The following MSH3 variants were observed in gnomAD, a reference collection of about 807,000 sequenced individuals.
MSH3 encodes mutS homolog 3.
Under a neutral mutation model 123.3 loss-of-function variants are expected in MSH3, and 106 were observed. The observed-to-expected ratio is 0.86, with a 90% CI of 0.73 to 1.01. The LOEUF (loss-of-function observed/expected upper bound fraction) is 1.01, where lower values mean the gene tolerates loss of function less well. Among genes scored for constraint, MSH3 ranks in the 50% least tolerant of loss-of-function variants. The pLI is 0.00. For missense variants in MSH3, 1,459 were observed against 1,347.6 expected, an observed-to-expected ratio of 1.08 and a Z score of -1.29; for synonymous variants, 515 against 481.4, an observed-to-expected ratio of 1.07 and a Z score of -0.91.
intron 20 of MSH3, among the ~76,000 whole-genome samples, chr5:80,842,882 T>C (rs1745652269): frequency 2.0e-5 from 3 of 152,188 alleles, no homozygotes; most frequent in Admixed American, 2.0e-4. Context: ...TTTTCCTAAC[T>C]GAATACCCTT....
At chr5:80,707,341 GTCT>G (rs1181413367) in intron 8 of MSH3, among the ~76,000 whole-genome samples, 2 of 152,180 alleles carry the variant, frequency 1.3e-5, no homozygotes, top group South Asian at 4.1e-4. Context: ...TTGTGTACTA[GTCT>G]TCTCACAGAT....
intron 8 of MSH3, among the ~76,000 whole-genome samples, chr5:80,702,027 C>A (rs568394997): frequency 1.3e-5 from 2 of 152,096 alleles, no homozygotes; most frequent in South Asian, 4.2e-4. Context: ...ACAAAAAAAA[C>A]CCAAAAACCC....
chr5:80,654,913 G>GCCCGCAGCGCCCCCAGCGCCCCCAGCT lies in MSH3; in HGVS notation c.189_190insGCAGCGCCCCCAGCGCCCCCAGCTCCC (p.Pro63_Pro64insAlaAlaProProAlaProProAlaPro), dbSNP rs1749213870. ...CTGCAGCGGCCGCAGCGGCCGCAGC[G>GCCCGCAGCGCCCCCAGCGCCCCCAGCT]CCCCCAGCGCCCCCAGCTCCCGCCT... On this transcript the variant is annotated inframe_insertion, in exon 1 of 24. Transcript: ENST00000265081. 2 of 1,499,518 alleles carry GCCCGCAGCGCCCCCAGCGCCCCCAGCT rather than the reference G, an allele frequency of 1.3e-6. No homozygotes were observed. Among genetic ancestry groups the GCCCGCAGCGCCCCCAGCGCCCCCAGCT allele is most frequent in the Non-Finnish European group, 1.8e-6 (2 of 1,131,990 alleles). 92.9% of individuals were successfully genotyped at this position (1,499,518 alleles called of 1,614,324 possible).
intron 18 of MSH3, 36 bp from the exon 19 acceptor site, chr5:80,792,697 A>G (rs1744628739): frequency 1.5e-6 from 2 of 1,293,416 alleles, no homozygotes; most frequent in Non-Finnish European, 2.2e-6. Context: ...GGCTATTTCC[A>G]TGCCTAGTAA....
intron 8 of MSH3, among the ~76,000 whole-genome samples, chr5:80,723,101 A>ATAAG (rs1580585903): frequency 8.4e-6 from 1 of 118,432 alleles, no homozygotes; most frequent in East Asian, 3.7e-4. Flanking sequence ...CTAAAAATAA[A>ATAAG]TAAATAAATA....
At chr5:80,679,325 A>C (rs1486065486) in intron 8 of MSH3, among the ~76,000 whole-genome samples, 2 of 152,138 alleles carry the variant, frequency 1.3e-5, no homozygotes, top group Non-Finnish European at 1.5e-5. Context: ...TGAGCCCCGG[A>C]ATCTGAGACC....
At chr5:80,751,272 CA>C (rs1233927715) in intron 12 of MSH3, among the ~76,000 whole-genome samples, 4 of 152,120 alleles carry the variant, frequency 2.6e-5, no homozygotes, top group African/African-American at 9.7e-5. Context: ...AAAGCGAGAA[CA>C]AACACCATAT....
At chr5:80,872,061 G>T (rs1162265656) in intron 22 of MSH3, among the ~76,000 whole-genome samples, 1 of 152,186 alleles carries the variant, frequency 6.6e-6, no homozygotes, top group Non-Finnish European at 1.5e-5. Context: ...GGGTGGTACT[G>T]AACAGAATCC....
chr5:80,830,279 T>C (rs1311069650), intron 20 of MSH3, among the ~76,000 whole-genome samples: 1 of 152,228 alleles, frequency 6.6e-6, no homozygotes, highest in African/African-American at 2.4e-5. Context: ...TCAGATTTAA[T>C]TTACTTTCCT....
rs530383790 is a variant in MSH3, at chr5:80,794,642, A to G, written c.2655+1798A>G. Among the ~76,000 whole-genome samples, 3 of 152,322 alleles carry G rather than the reference A, an allele frequency of 2.0e-5. No homozygotes were observed. The East Asian group carries it at 5.8e-4, about 29-fold the overall frequency. ...GCAAGATCTTATGTATGGCTATGGA[A>G]GGTGGGTAGCAGAAGGGAGAAGGTC... On this transcript the variant is annotated intron_variant, in intron 19 of 23. Coordinates refer to ENST00000265081, the MANE Select transcript of MSH3 (RefSeq NM_002439.5).
At chr5:80,744,189 C>G (rs1743672636) in intron 11 of MSH3, among the ~76,000 whole-genome samples, 1 of 152,048 alleles carries the variant, frequency 6.6e-6, no homozygotes, top group South Asian at 2.1e-4. Context: ...AGTCATCTTC[C>G]TATGTTGTAT....
In MSH3 at chr5:80,782,507, T is replaced by G. The variant is rs574395399; in HGVS notation, c.2435+3671T>G. Among the ~76,000 whole-genome samples, 6 of 152,288 alleles carry G rather than the reference T, an allele frequency of 3.9e-5. No homozygotes were observed. In the East Asian group the frequency reaches 1.2e-3, roughly 29 times the overall value. On this transcript the variant is annotated intron_variant, in intron 17 of 23. Coordinates refer to ENST00000265081, the MANE Select transcript of MSH3 (RefSeq NM_002439.5). ...GGTTATATACAAGTACTTTACCATT[T>G]TATGTAAGGGATTTGAGCATGTTGG... is the stretch of plus-strand genomic sequence containing the variant.
chr5:80,825,227 A>T (rs1745273683), intron 20 of MSH3, among the ~76,000 whole-genome samples: 1 of 152,130 alleles, frequency 6.6e-6, no homozygotes, highest in African/African-American at 2.4e-5. Flanking sequence ...CCCTATCCAT[A>T]GTAACTAACT....
chr5:80,822,277 A>T (rs1371318344), intron 20 of MSH3, among the ~76,000 whole-genome samples: 1 of 152,160 alleles, frequency 6.6e-6, no homozygotes, highest in East Asian at 1.9e-4. Flanking sequence ...TTCCCTTTTA[A>T]CAACTATGTG....
chr5:80,846,807 A>G (rs1745730912), intron 20 of MSH3, among the ~76,000 whole-genome samples: 3 of 152,174 alleles, frequency 2.0e-5, no homozygotes, highest in Admixed American at 6.5e-5. Flanking sequence ...CTGTTTCTTC[A>G]GGTACAGTCT....
At chr5:80,854,405 G>C in intron 21 of MSH3, 89 bp downstream of exon 21, 2 of 1,182,444 alleles carry the variant, frequency 1.7e-6, no homozygotes, top group Non-Finnish European at 2.5e-6. Context: ...ATATTTATGG[G>C]GTACAATGTG....
chr5:80,803,385 C>G (rs1744826417), intron 19 of MSH3, among the ~76,000 whole-genome samples: 1 of 151,866 alleles, frequency 6.6e-6, no homozygotes, highest in Non-Finnish European at 1.5e-5. Context: ...TGAGAAATGT[C>G]TATTAAGATC....
rs916476510 is a variant in MSH3, at chr5:80,692,551, G to T, written c.1340+13458G>T. On this transcript the variant is annotated intron_variant, in intron 8 of 23. Transcript: ENST00000265081. ...AGATAAACATGTATATGTTTATATA[G>T]AGAGATAAACATGTATATGTTTATA... Among the ~76,000 whole-genome samples the T allele has an allele frequency of 5.8e-5, 5 of 85,510 alleles. 1 individual carries two copies. The highest frequency in any genetic ancestry group is 2.3e-4 in the African/African-American group (5 of 21,596). 56.1% of individuals were successfully genotyped at this position (85,510 alleles called of 152,430 possible).
chr5:80,742,312 A>G (rs530647343), intron 11 of MSH3, among the ~76,000 whole-genome samples: 2 of 152,324 alleles, frequency 1.3e-5, no homozygotes, highest in Admixed American at 1.3e-4. Context: ...ACCTGGCCTC[A>G]GTTCACAAAC....
Sources: gnomAD v4.1 joint callset for allele counts (sites outside exome capture counted in the v4.1 genomes callset) on GRCh38, gnomAD v4.1.1 for gene constraint, MANE v1.5 for transcripts, NCBI Gene and HGNC (gene_info 2026-07-23, HGNC 2026-07-21) for gene names.